The following IL1RAPL1 variants were observed in gnomAD, a reference collection of about 807,000 sequenced individuals.
IL1RAPL1 encodes interleukin-1 receptor accessory protein-like 1.
A neutral mutation model predicts 48.4 loss-of-function variants in IL1RAPL1; 3 were observed. The observed-to-expected ratio is 0.06, with a 90% CI of 0.03 to 0.16. The LOEUF is 0.16. Among genes scored for constraint, IL1RAPL1 ranks in the 10% least tolerant of loss-of-function variants. The pLI, the probability that IL1RAPL1 is intolerant of heterozygous loss-of-function variation, is 1.00. For synonymous variants in IL1RAPL1, 185 were observed against 187.7 expected (o/e 0.99, Z 0.12); for missense variants, 349 against 530.6 (o/e 0.66, Z 3.36).
At chrX:29,249,675 T>C (rs748469689) in intron 2 of IL1RAPL1, among the ~76,000 whole-genome samples, 7 of 112,025 alleles carry the variant, frequency 6.2e-5, no homozygotes, top group Non-Finnish European at 1.3e-4. Flanking sequence ...GATCAAAATA[T>C]GTATTTCTTA....
chrX:29,219,073 T>C (rs1930927977), intron 2 of IL1RAPL1, among the ~76,000 whole-genome samples: 1 of 112,025 alleles, frequency 8.9e-6, no homozygotes, highest in Non-Finnish European at 1.9e-5. Flanking sequence ...TAATTTTCTG[T>C]TGTGTGATAA....
intron 6 of IL1RAPL1, among the ~76,000 whole-genome samples, chrX:29,704,213 A>G (rs977286024): frequency 9.0e-6 from 1 of 111,204 alleles, no homozygotes; most frequent in Non-Finnish European, 1.9e-5. Context: ...TACAGATGTG[A>G]CCCACAGTGC....
rs928989400 is a variant in IL1RAPL1, at chrX:29,347,017, C to G, written c.363-49241C>G. Among the ~76,000 whole-genome samples, 6 of 111,530 alleles carry G rather than the reference C, an allele frequency of 5.4e-5. No homozygotes were observed. The Admixed American group carries it at 5.7e-4, about 11-fold the overall frequency. ...ATAAATAACAGTCCTTGTGCTCAAGCCTTTTGAAGTATAATAGGGTGAATT... is the reference window on the plus strand; with the variant it reads ...ATAAATAACAGTCCTTGTGCTCAAGGCTTTTGAAGTATAATAGGGTGAATT... On this transcript the variant is annotated intron_variant, in intron 3 of 10. Coordinates refer to ENST00000378993, the MANE Select transcript of IL1RAPL1 (RefSeq NM_014271.4).
intron 2 of IL1RAPL1, among the ~76,000 whole-genome samples, chrX:28,886,550 C>T (rs751003026): frequency 9.2e-6 from 1 of 109,117 alleles, no homozygotes; most frequent in Non-Finnish European, 1.9e-5. Flanking sequence ...TGGAAAATGT[C>T]CTTAAGTATA....
At chrX:29,165,008 A>T (rs913097517) in intron 2 of IL1RAPL1, among the ~76,000 whole-genome samples, 2 of 112,059 alleles carry the variant, frequency 1.8e-5, no homozygotes, top group African/African-American at 6.5e-5. Context: ...ATTTGTGATT[A>T]CGTCTTCAGG....
intron 1 of IL1RAPL1, among the ~76,000 whole-genome samples, chrX:28,644,509 C>T (rs369716747): frequency 9.0e-6 from 1 of 111,436 alleles, no homozygotes; most frequent in African/African-American, 3.3e-5. Context: ...TTGATACACA[C>T]TCCCACCTAG....
At chrX:29,491,339 C>T (rs763483060) in intron 5 of IL1RAPL1, among the ~76,000 whole-genome samples, 2 of 112,387 alleles carry the variant, frequency 1.8e-5, no homozygotes, top group Non-Finnish European at 3.8e-5. Context: ...TTAAGTGAAA[C>T]ATGCAGTACC....
chrX:29,595,682 G>A (rs765817641), intron 5 of IL1RAPL1, among the ~76,000 whole-genome samples: 1 of 112,182 alleles, frequency 8.9e-6, no homozygotes, highest in African/African-American at 3.2e-5. Flanking sequence ...CTCCCACTCT[G>A]TGGATTTTCT....
chrX:28,706,175 T>C (rs946433013), intron 1 of IL1RAPL1, among the ~76,000 whole-genome samples: 3 of 111,976 alleles, frequency 2.7e-5, no homozygotes, highest in African/African-American at 6.5e-5. Flanking sequence ...GTATTTTTAC[T>C]GTACCTTTTC....
intron 2 of IL1RAPL1, among the ~76,000 whole-genome samples, chrX:28,915,637 AT>A (rs1923471069): frequency 9.0e-6 from 1 of 111,218 alleles, no homozygotes; most frequent in African/African-American, 3.3e-5. Context: ...TTGACGCGAG[AT>A]TTGATCCCAA....
At chrX:29,918,144 A>AAAAATATATATATATATAT (rs1555935868) in intron 7 of IL1RAPL1, among the ~76,000 whole-genome samples, 1 of 23,767 alleles carries the variant, frequency 4.2e-5, no homozygotes, top group Admixed American at 5.8e-4. Context: ...AAAAAAAAAA[A>AAAAATATATATATATATAT]ATATATATAT....
At chrX:29,866,370 C>T (rs762139836) in intron 6 of IL1RAPL1, among the ~76,000 whole-genome samples, 1 of 110,803 alleles carries the variant, frequency 9.0e-6, no homozygotes. Context: ...CCAGAAAGTA[C>T]GTAGTAGAAT....
At chrX:28,602,186 C>T (rs1934035521) in intron 1 of IL1RAPL1, among the ~76,000 whole-genome samples, 2 of 110,199 alleles carry the variant, frequency 1.8e-5, no homozygotes, top group Admixed American at 9.7e-5. Context: ...TTTTCCATCA[C>T]AATACTCTAC....
chrX:28,683,959 C>T (rs906879072), intron 1 of IL1RAPL1, among the ~76,000 whole-genome samples: 3 of 112,242 alleles, frequency 2.7e-5, no homozygotes, highest in South Asian at 3.7e-4. Flanking sequence ...AGATCCTTAA[C>T]GTAATCACAT....
At chrX:29,399,335 T>G (rs1271896719) in intron 5 of IL1RAPL1, 27 bp downstream of exon 5, 1 of 1,142,829 alleles carries the variant, frequency 8.8e-7, no homozygotes, top group Non-Finnish European at 1.2e-6. Context: ...ATATTTCACT[T>G]GCAAGTGATG....
chrX:29,176,838 T>G (rs932773356), intron 2 of IL1RAPL1, among the ~76,000 whole-genome samples: 2 of 111,349 alleles, frequency 1.8e-5, no homozygotes, highest in Non-Finnish European at 3.8e-5. Context: ...TGAAGATTTC[T>G]TGTTATTGAC....
intron 5 of IL1RAPL1, among the ~76,000 whole-genome samples, chrX:29,412,590 T>A (rs757872484): frequency 2.7e-5 from 3 of 112,517 alleles, no homozygotes; most frequent in Admixed American, 1.9e-4. Flanking sequence ...TCTTTTCACT[T>A]TTTTAAATGT....
intron 5 of IL1RAPL1, among the ~76,000 whole-genome samples, chrX:29,428,328 C>T (rs922665379): frequency 9.0e-6 from 1 of 111,202 alleles, no homozygotes; most frequent in Admixed American, 9.6e-5. Flanking sequence ...GGGATTGCAC[C>T]GGATAGTGTG....
Position 28,925,102 on chromosome X carries a change from A to G in IL1RAPL1, c.82+135677A>G, listed in dbSNP as rs779522947. 3.6e-5 allele frequency among the ~76,000 whole-genome samples: 4 copies of G among 111,915 alleles called. No homozygotes were observed. In the South Asian group the frequency reaches 1.1e-3, roughly 31 times the overall value. ...AAATATACTTGTAATGTTCACATAA[A>G]TATAGAAATATAACTTAGGAGTCCA... On this transcript the variant is annotated intron_variant, in intron 2 of 10. Coordinates refer to ENST00000378993, the MANE Select transcript of IL1RAPL1 (RefSeq NM_014271.4).
Sources: allele counts gnomAD v4.1 joint callset (sites outside exome capture counted in the v4.1 genomes callset), GRCh38; gene constraint gnomAD v4.1.1; transcripts MANE v1.5; gene names NCBI Gene and HGNC (gene_info 2026-07-23, HGNC 2026-07-21).